Variants in KIAA2012 observed in about 807,000 individuals in gnomAD.
KIAA2012 encodes the protein KIAA2012, also known as uncharacterized protein KIAA2012.
In KIAA2012, 125 loss-of-function variants were observed where a neutral mutation model predicts 150.6. The observed-to-expected ratio is 0.83, with a 90% confidence interval of 0.72 to 0.96. The LOEUF is 0.96. Among genes scored for constraint, KIAA2012 ranks in the 40% least tolerant of loss-of-function variants. KIAA2012 has a pLI of 0.00. For missense variants in KIAA2012, 1,219 were observed against 1,354.9 expected (o/e 0.90, Z 1.57); for synonymous variants, 462 against 504.7 (o/e 0.92, Z 1.13).
At chr2:202,195,999 A>T (rs1692406220) in intron 21 of KIAA2012, among the ~76,000 whole-genome samples, 1 of 151,956 alleles carries the variant, frequency 6.6e-6, no homozygotes. Context: ...CACGGGTGCA[A>T]GTATCTCCTC....
chr2:202,109,743 T>G lies in KIAA2012; in HGVS notation c.1605T>G (p.Ser535Arg), dbSNP rs1690296932. Reference sequence around the variant, plus strand: ...CATCAGACCACAACAGCCCCCCAAGTCTCCCGAACATGAGAGTGCCCAGGA... The same window carrying G: ...CATCAGACCACAACAGCCCCCCAAGGCTCCCGAACATGAGAGTGCCCAGGA... The part of the protein sequence containing the change: ...PRTSDHNSPP[S>R]LPNMRVPRRA... The change falls in exon 10 of 24, where the codon AGT (serine) becomes AGG (arginine). Residue 535 changes from serine (S) to arginine (R), a missense_variant. Ser to Arg is a moderately radical substitution (Grantham distance 110). Transcript: ENST00000498697. 6.5e-7 allele frequency: 1 copy of G among 1,549,696 alleles called. No homozygotes were observed. Among genetic ancestry groups the G allele is most frequent in the Admixed American group, 2.0e-5 (1 of 50,928 alleles).
At chr2:202,097,287 C>T (rs1689909904) in intron 4 of KIAA2012, 148 bp from the exon 5 acceptor site, 1 of 1,324,392 alleles carries the variant, frequency 7.6e-7, no homozygotes, top group African/African-American at 1.5e-5. Context: ...GAGGCACTAT[C>T]AGAAATACAA....
chr2:202,174,001 TGTC>T (rs1432783112), intron 15 of KIAA2012, among the ~76,000 whole-genome samples: 1 of 152,216 alleles, frequency 6.6e-6, no homozygotes, highest in Non-Finnish European at 1.5e-5. Flanking sequence ...GTTTTGCTCT[TGTC>T]GCCCAGACTG....
In KIAA2012 at chr2:202,100,489, G is replaced by C. The variant is rs190073759; in HGVS notation, c.1155+40G>C. On this transcript the variant is annotated intron_variant, in intron 7 of 23. Coordinates refer to ENST00000498697, the MANE Select transcript of KIAA2012 (RefSeq NM_001277372.4). ...TATGTTTGTGCATACAGGAGAGAGA[G>C]AGAGGAGGGAAGAGAGAAAGTTTAA... 2,300 of 1,507,776 alleles carry C rather than the reference G, an allele frequency of 1.5e-3. 7 individuals are homozygous for C. The highest frequency in any genetic ancestry group is 1.9e-3 in the Non-Finnish European group (2,107 of 1,122,488). 93.4% of individuals were successfully genotyped at this position (1,507,776 alleles called of 1,614,324 possible).
In KIAA2012 at chr2:202,187,606, C is replaced by T. The variant is rs1334815732; in HGVS notation, c.2376+508C>T. On this transcript the variant is annotated intron_variant, in intron 17 of 23. Coordinates refer to ENST00000498697, the MANE Select transcript of KIAA2012 (RefSeq NM_001277372.4). ...ACAGGCGTGAGCCACTGCACCTGGCCCCATTTCTAATTCCTACAAAGGTAC... is the reference window on the plus strand; with the variant it reads ...ACAGGCGTGAGCCACTGCACCTGGCTCCATTTCTAATTCCTACAAAGGTAC... 2.0e-5 allele frequency among the ~76,000 whole-genome samples: 3 copies of T among 152,106 alleles called. No homozygotes were observed. The East Asian group carries it at 5.8e-4, about 29-fold the overall frequency.
At chr2:202,147,859 G>A (rs899596813) in intron 13 of KIAA2012, among the ~76,000 whole-genome samples, 6 of 151,974 alleles carry the variant, frequency 3.9e-5, no homozygotes, top group African/African-American at 1.5e-4. Flanking sequence ...ACCCCTCGAC[G>A]TCCCATCTCC....
At chr2:202,186,794 GA>G (rs1355075103) in intron 16 of KIAA2012, 138 bp from the exon 17 acceptor site, 9 of 737,098 alleles carry the variant, frequency 1.2e-5, no homozygotes, top group Non-Finnish European at 1.7e-5. Flanking sequence ...ATGTGCAGAA[GA>G]AAAAGAGTTG....
rs753067395 is a variant in KIAA2012 at position 202,113,296 on chromosome 2, C to T, written c.1652-40C>T. 2.7e-6 allele frequency: 4 copies of T among 1,487,594 alleles called. No homozygotes were observed. The South Asian group carries it at 4.9e-5, about 18-fold the overall frequency. The allele number at this position is 1,487,594 out of a possible 1,614,324, so 92.1% of individuals were successfully genotyped here. Reference sequence around the variant, plus strand: ...AGGTTTGGTCTGTCTCCCTCACCAACACGGTACTGACACTGCCTATGCTTG... The same window carrying T: ...AGGTTTGGTCTGTCTCCCTCACCAATACGGTACTGACACTGCCTATGCTTG... On this transcript the variant is annotated intron_variant, in intron 10 of 23. Transcript: ENST00000498697.
At chr2:202,121,074 CTGTT>C in intron 11 of KIAA2012, among the ~76,000 whole-genome samples, 1 of 152,170 alleles carries the variant, frequency 6.6e-6, no homozygotes, top group Non-Finnish European at 1.5e-5. Context: ...TAAAAGGAAA[CTGTT>C]TGCCCTTCCC....
intron 22 of KIAA2012, among the ~76,000 whole-genome samples, chr2:202,201,074 T>TAAC (rs1692513850): frequency 6.6e-6 from 1 of 152,136 alleles, no homozygotes; most frequent in African/African-American, 2.4e-5. Flanking sequence ...GTTTTATTAC[T>TAAC]AACAGCAAAG....
chr2:202,199,920 A>ATTTTTTTTTTTTTTTTT (rs71025287), intron 22 of KIAA2012, among the ~76,000 whole-genome samples: 1 of 76,270 alleles, frequency 1.3e-5, no homozygotes, highest in Non-Finnish European at 2.3e-5. Context: ...GCCCCTCATA[A>ATTTTTTTTTTTTTTTTT]TTTTTTTTTT....
rs1184590177 is a variant in KIAA2012 at position 202,073,652 on chromosome 2, C to G, written c.25C>G (p.Arg9Gly). 6.5e-7 allele frequency: 1 copy of G among 1,550,370 alleles called. No individual in the cohort carries two copies. Among genetic ancestry groups the G allele is most frequent in the South Asian group, 1.2e-5 (1 of 84,030 alleles). ...CATGTTCACGCTCTCCCTCCTGAGC[C>G]GGGGCCACGGGAAGCTGGGCCAGGA... The part of the protein sequence containing the change: MFTLSLLS[R>G]GHGKLGQDKQ... The change falls in exon 1 of 24, where the codon CGG (arginine) becomes GGG (glycine). Residue 9 changes from arginine (R) to glycine (G), a missense_variant. Coordinates refer to ENST00000498697, the MANE Select transcript of KIAA2012 (RefSeq NM_001277372.4).
intron 14 of KIAA2012, among the ~76,000 whole-genome samples, chr2:202,162,605 T>C (rs1691679889): frequency 6.7e-6 from 1 of 149,932 alleles, no homozygotes; most frequent in South Asian, 2.1e-4. Flanking sequence ...TTTTTTTACT[T>C]ACTACATCTT....
chr2:202,103,004 C>A lies in KIAA2012; in HGVS notation c.1214C>A (p.Pro405His). 1 of 1,550,534 alleles carries A rather than the reference C, an allele frequency of 6.4e-7. No individual in the cohort carries two copies. The highest frequency in any genetic ancestry group is 8.7e-7 in the Non-Finnish European group (1 of 1,146,978). The change falls in exon 8 of 24, where the codon CCC becomes CAC. Residue 405 changes from proline (P) to histidine (H), a missense_variant. Coordinates refer to ENST00000498697, the MANE Select transcript of KIAA2012 (RefSeq NM_001277372.4). ...GAAGAACCACCCAGAGTCTTGGAGC[C>A]CCTGAAGAGCCAATTTAAAGCCAAT... is the stretch of plus-strand genomic sequence containing the variant. Reference protein sequence around the residue: ...ISEEPPRVLEPLKSQFKANEP... With the variant: ...ISEEPPRVLEHLKSQFKANEP...
intron 15 of KIAA2012, among the ~76,000 whole-genome samples, chr2:202,180,846 C>G (rs1692103762): frequency 6.6e-6 from 1 of 152,038 alleles, no homozygotes; most frequent in South Asian, 2.1e-4. Flanking sequence ...AATAAAAATT[C>G]CTTTCAAGGA....
intron 4 of KIAA2012, among the ~76,000 whole-genome samples, chr2:202,095,956 T>C (rs1163259760): frequency 1.3e-5 from 2 of 152,090 alleles, no homozygotes; most frequent in Admixed American, 6.5e-5. Context: ...TGGTGGTGCA[T>C]GCCTATAATC....
At chr2:202,097,379 A>G (rs1689912923) in intron 4 of KIAA2012, 56 bp from the exon 5 acceptor site, 3 of 1,542,230 alleles carry the variant, frequency 1.9e-6, no homozygotes, top group Admixed American at 2.0e-5. Flanking sequence ...TGGAGGCAGC[A>G]AGAACACCAC....
chr2:202,141,104 G>A (rs1166852937), intron 13 of KIAA2012, among the ~76,000 whole-genome samples: 2 of 152,216 alleles, frequency 1.3e-5, no homozygotes, highest in East Asian at 3.9e-4. Context: ...TGGGGTGACG[G>A]CGTTCCCTGG....
chr2:202,099,718 C>G lies in KIAA2012; in HGVS notation c.934C>G (p.His312Asp), dbSNP rs1386739314. The G allele has an allele frequency of 6.4e-7, 1 of 1,550,656 alleles. No individual in the cohort carries two copies. The highest frequency in any genetic ancestry group is 2.0e-5 in the Admixed American group (1 of 51,014). The change falls in exon 6 of 24, where the codon CAC becomes GAC. Residue 312 changes from histidine (H) to aspartate (D), a missense_variant. Physicochemically the swap from His to Asp is moderately conservative, Grantham distance 81. Coordinates refer to ENST00000498697, the MANE Select transcript of KIAA2012 (RefSeq NM_001277372.4). ...GGCCTTTGGGCATGGCCGCATCGAT[C>G]ACTCTTGGCTCCCAAGTGACAAATC... is the stretch of plus-strand genomic sequence containing the variant. ...RKAFGHGRID[H>D]SWLPSDKSHI...
Sources: allele counts gnomAD v4.1 joint callset (sites outside exome capture counted in the v4.1 genomes callset), GRCh38; gene constraint gnomAD v4.1.1; transcripts MANE v1.5; gene names NCBI Gene and HGNC (gene_info 2026-07-23, HGNC 2026-07-21).